The following OXR1 variants were observed in gnomAD, a reference collection of about 807,000 sequenced individuals.
OXR1 encodes the protein oxidation resistance 1.
A neutral mutation model predicts 104.6 loss-of-function variants in OXR1; 41 were observed. The observed-to-expected ratio is 0.39, with a 90% CI of 0.31 to 0.51. The LOEUF is 0.51. Among genes scored for constraint, OXR1 ranks in the 20% least tolerant of loss-of-function variants. The pLI is 0.77. For synonymous variants in OXR1, 348 were observed against 348.4 expected, an observed-to-expected ratio of 1.00 and a Z score of 0.01; for missense variants, 955 against 1,031.9, an observed-to-expected ratio of 0.93 and a Z score of 1.02.
At chr8:106,278,310 C>T (rs956923990) in intron 1 of OXR1, among the ~76,000 whole-genome samples, 3 of 152,118 alleles carry the variant, frequency 2.0e-5, no homozygotes, top group African/African-American at 4.8e-5. Context: ...TGATAAAAGT[C>T]AGGAGCTGTC....
chr8:106,590,969 A>G (rs1819034640), intron 3 of OXR1, among the ~76,000 whole-genome samples: 1 of 152,044 alleles, frequency 6.6e-6, no homozygotes, highest in South Asian at 2.1e-4. Flanking sequence ...ACATTTTGAG[A>G]TAAGTACATA....
At chr8:106,345,712 T>C (rs1156243949) in intron 1 of OXR1, among the ~76,000 whole-genome samples, 2 of 152,204 alleles carry the variant, frequency 1.3e-5, no homozygotes, top group Non-Finnish European at 2.9e-5. Context: ...AAACATACGT[T>C]TGATCATGCA....
intron 1 of OXR1, among the ~76,000 whole-genome samples, chr8:106,320,572 C>T (rs1237943874): frequency 6.6e-6 from 1 of 152,110 alleles, no homozygotes; most frequent in African/African-American, 2.4e-5. Context: ...GCATATTCCT[C>T]TTCACAAATA....
intron 3 of OXR1, among the ~76,000 whole-genome samples, chr8:106,547,596 C>T (rs995763847): frequency 2.7e-5 from 4 of 149,696 alleles, no homozygotes; most frequent in Non-Finnish European, 4.4e-5. Flanking sequence ...CGAGTCCAAG[C>T]GATTCTTCTG....
intron 2 of OXR1, among the ~76,000 whole-genome samples, chr8:106,445,474 T>C (rs1819974332): frequency 6.6e-6 from 1 of 152,150 alleles, no homozygotes; most frequent in African/African-American, 2.4e-5. Flanking sequence ...GGGTCATGAT[T>C]CAGGACAGCA....
chr8:106,666,113 G>C (rs1267581142), intron 3 of OXR1, among the ~76,000 whole-genome samples: 1 of 152,174 alleles, frequency 6.6e-6, no homozygotes, highest in Non-Finnish European at 1.5e-5. Flanking sequence ...CTGCAAGTTA[G>C]TAAAAGCACT....
At chr8:106,367,496 C>T (rs1261186571) in intron 2 of OXR1, among the ~76,000 whole-genome samples, 1 of 151,934 alleles carries the variant, frequency 6.6e-6, no homozygotes, top group Non-Finnish European at 1.5e-5. Flanking sequence ...TCTAAACAGG[C>T]AGTATATTAT....
chr8:106,545,993 C>A (rs370885727), intron 3 of OXR1, among the ~76,000 whole-genome samples: 408 of 141,252 alleles, frequency 2.9e-3, no homozygotes, highest in African/African-American at 2.8e-3. Flanking sequence ...GAGATTCTGT[C>A]AAAAAAAAAA....
chr8:106,485,558 A>G (rs1345627897), intron 2 of OXR1, among the ~76,000 whole-genome samples: 1 of 152,070 alleles, frequency 6.6e-6, no homozygotes, highest in Non-Finnish European at 1.5e-5. Context: ...AGTCTCAGCC[A>G]TTTGTTTTAT....
chr8:106,382,682 GTTTT>G (rs35296978), intron 2 of OXR1, among the ~76,000 whole-genome samples: 73 of 86,216 alleles, frequency 8.5e-4, no homozygotes, highest in South Asian at 8.5e-3. Context: ...AGAACTATAG[GTTTT>G]TTTTTTTTTT....
At chr8:106,691,186 A>G (rs1327565175) in intron 6 of OXR1, among the ~76,000 whole-genome samples, 1 of 152,012 alleles carries the variant, frequency 6.6e-6, no homozygotes, top group African/African-American at 2.4e-5. Context: ...CTAGATAGAT[A>G]GATATAGATG....
At chr8:106,741,603 A>T (rs2881423) in intron 14 of OXR1, among the ~76,000 whole-genome samples, 44,695 of 151,974 alleles carry the variant, frequency 0.29, 8,449 homozygotes, top group African/African-American at 0.54. Flanking sequence ...GACTGTACAG[A>T]TTATCTGTCA....
At chr8:106,340,618 T>C (rs901210367) in intron 1 of OXR1, among the ~76,000 whole-genome samples, 7 of 152,312 alleles carry the variant, frequency 4.6e-5, no homozygotes, top group African/African-American at 1.7e-4. Context: ...GTTGTTATTG[T>C]CTTTTTCCTC....
At chr8:106,645,232 C>A (rs1355984282) in intron 3 of OXR1, among the ~76,000 whole-genome samples, 1 of 152,138 alleles carries the variant, frequency 6.6e-6, no homozygotes. Context: ...AATCTTATCC[C>A]CAACCCTTCC....
intron 1 of OXR1, among the ~76,000 whole-genome samples, chr8:106,339,116 G>T (rs1422336756): frequency 6.6e-6 from 1 of 151,826 alleles, no homozygotes; most frequent in Non-Finnish European, 1.5e-5. Context: ...ACATACTTTT[G>T]TGTCCACATT....
At chr8:106,556,418 G>C (rs1586806855) in intron 3 of OXR1, among the ~76,000 whole-genome samples, 1 of 152,132 alleles carries the variant, frequency 6.6e-6, no homozygotes, top group East Asian at 1.9e-4. Context: ...CAAGGAAATT[G>C]CTTTTAATTT....
At chr8:106,502,815 T>C (rs938480166) in intron 2 of OXR1, among the ~76,000 whole-genome samples, 5 of 152,182 alleles carry the variant, frequency 3.3e-5, no homozygotes, top group African/African-American at 1.2e-4. Context: ...CCAGGCTCAC[T>C]TTTCTCTTAT....
intron 2 of OXR1, among the ~76,000 whole-genome samples, chr8:106,432,845 T>C (rs1017535256): frequency 6.6e-6 from 1 of 152,146 alleles, no homozygotes; most frequent in African/African-American, 2.4e-5. Context: ...CCCCAAAGTA[T>C]GTGTTGAATG....
At chr8:106,443,864 G>A (rs1819896639) in intron 2 of OXR1, among the ~76,000 whole-genome samples, 2 of 152,156 alleles carry the variant, frequency 1.3e-5, no homozygotes, top group Non-Finnish European at 2.9e-5. Flanking sequence ...AAGCTAAAGA[G>A]CTTCTGCTCA....
Sources: allele counts gnomAD v4.1 joint callset (sites outside exome capture counted in the v4.1 genomes callset), GRCh38; gene constraint gnomAD v4.1.1; transcripts MANE v1.5; gene names NCBI Gene and HGNC (gene_info 2026-07-23, HGNC 2026-07-21).